Variants in FRK observed in about 807,000 individuals in gnomAD.
The protein encoded by FRK is tyrosine-protein kinase FRK.
FRK carries 51 observed loss-of-function variants against 56.4 expected under a neutral mutation model. That is an observed-to-expected ratio of 0.90 (90% CI 0.72 to 1.14). The LOEUF is 1.14. Among genes scored for constraint, FRK ranks in the 50% most tolerant of loss-of-function variants. The pLI is 0.00. For synonymous variants in FRK, 245 were observed against 217.9 expected (o/e 1.12, Z -1.10); for missense variants, 570 against 601.4 (o/e 0.95, Z 0.55).
chr6:116,090,660 T>A, the FRK span, among the ~76,000 whole-genome samples: 3 of 152,222 alleles, frequency 2.0e-5, no homozygotes, highest in Admixed American at 2.0e-4. Flanking sequence ...AAGCCATGCA[T>A]ATGGATGCCA....
intron 1 of FRK, among the ~76,000 whole-genome samples, chr6:116,020,331 G>A (rs970125691): frequency 1.3e-5 from 2 of 150,988 alleles, no homozygotes; most frequent in Non-Finnish European, 2.9e-5. Context: ...TTGCTCGGAC[G>A]CCCAGGCTTG....
chr6:115,968,770 C>T (rs530254152), intron 2 of FRK, 31 bp from the exon 3 acceptor site: 1 of 1,596,984 alleles, frequency 6.3e-7, no homozygotes, highest in South Asian at 1.1e-5. Flanking sequence ...TGTTAATAAA[C>T]TTCTTGCTAA....
the FRK span, among the ~76,000 whole-genome samples, chr6:116,093,167 C>T: frequency 2.0e-5 from 3 of 152,158 alleles, no homozygotes; most frequent in African/African-American, 7.2e-5. Context: ...AGCCTAGCCT[C>T]CCTATAGCTC....
At chr6:116,094,934 G>A in the FRK span, among the ~76,000 whole-genome samples, 9 of 152,166 alleles carry the variant, frequency 5.9e-5, no homozygotes, top group Admixed American at 2.0e-4. Context: ...AAAAAACAGC[G>A]TACCATATTC....
intron 2 of FRK, among the ~76,000 whole-genome samples, chr6:115,970,259 G>A (rs1191997966): frequency 6.6e-6 from 1 of 152,058 alleles, no homozygotes; most frequent in African/African-American, 2.4e-5. Context: ...CACCACTCTG[G>A]AAAACTGTTT....
rs371241978 is a variant in FRK, at chr6:115,968,627, G to A, written c.579C>T (p.Tyr193=). 9.9e-6 allele frequency: 16 copies of A among 1,613,758 alleles called. No individual in the cohort carries two copies. In the African/African-American group the frequency reaches 1.9e-4, roughly 19 times the overall value. ...CACACAGGCCGTCACTTGTCTTGGTGTAGTGGCTCACAAATTCGTTCAGTG... is the reference window on the plus strand; with the variant it reads ...CACACAGGCCGTCACTTGTCTTGGTATAGTGGCTCACAAATTCGTTCAGTG... ...FSTLNEFVSH[Y]TKTSDGLCVK... The change falls in exon 3 of 8, where the codon TAC becomes TAT. Residue 193 remains tyrosine, a synonymous_variant. Transcript: ENST00000606080.
chr6:115,959,182 C>G (rs372611330), intron 4 of FRK, among the ~76,000 whole-genome samples: 107 of 152,286 alleles, frequency 7.0e-4, no homozygotes, highest in African/African-American at 2.5e-3. Flanking sequence ...GCCTGCTCAG[C>G]AATAAATAGC....
chr6:116,046,548 G>A (rs1370684252), intron 1 of FRK, among the ~76,000 whole-genome samples: 2 of 152,054 alleles, frequency 1.3e-5, no homozygotes, highest in Non-Finnish European at 2.9e-5. Flanking sequence ...ACCAAACACT[G>A]CATGTTCTCA....
intron 5 of FRK, among the ~76,000 whole-genome samples, chr6:115,944,647 A>G (rs952305611): frequency 6.6e-6 from 1 of 152,154 alleles, no homozygotes; most frequent in Non-Finnish European, 1.5e-5. Context: ...ACAAGTAACA[A>G]GTCATCACAT....
At chr6:115,982,438 G>C (rs1199049801) in intron 2 of FRK, among the ~76,000 whole-genome samples, 1 of 152,088 alleles carries the variant, frequency 6.6e-6, no homozygotes, top group African/African-American at 2.4e-5. Context: ...TACTAGTTCT[G>C]TTTCTCTAGA....
rs141741968 is a variant in FRK at position 116,060,595 on chromosome 6, C to T, written c.-284G>A. 2 of 348,764 alleles carry T rather than the reference C, an allele frequency of 5.7e-6. No homozygotes were observed. The highest frequency in any genetic ancestry group is 4.8e-5 in the East Asian group (1 of 20,626). 21.6% of individuals were successfully genotyped at this position (348,764 alleles called of 1,614,324 possible). A position where few individuals can be genotyped will look rare whatever the true frequency, so the allele number is the denominator to read the frequency against. On this transcript the variant is annotated 5_prime_UTR_variant, in exon 1 of 8. Transcript: ENST00000606080. ...CTAGGAAGGTGTCTTTTCTTCTTATCTGCTTAAGAATCCCACAACAAAAAT... is the reference window on the plus strand; with the variant it reads ...CTAGGAAGGTGTCTTTTCTTCTTATTTGCTTAAGAATCCCACAACAAAAAT...
chr6:116,059,957 G>GTA lies in FRK; in HGVS notation c.344+9_344+10dup, dbSNP rs1777554063. ...GAGTTCAGAAATTAAGTATAAGTTTGTACTACTCACGGCTCTGCCTGTAGG... is the reference window on the plus strand; with the variant it reads ...GAGTTCAGAAATTAAGTATAAGTTTGTATACTACTCACGGCTCTGCCTGTAGG... On this transcript the variant is annotated intron_variant, in intron 1 of 7. Coordinates refer to ENST00000606080, the MANE Select transcript of FRK (RefSeq NM_002031.3). 1 of 1,603,446 alleles carries GTA rather than the reference G, an allele frequency of 6.2e-7. No homozygotes were observed. The highest frequency in any genetic ancestry group is 1.3e-5 in the African/African-American group (1 of 74,616).
intron 4 of FRK, 112 bp downstream of exon 4, chr6:115,967,439 A>C (rs775363751): frequency 1.9e-6 from 2 of 1,030,344 alleles, no homozygotes; most frequent in African/African-American, 3.2e-5. Context: ...CAATGACCAC[A>C]ACACCTGCTT....
chr6:116,039,840 C>T (rs2114784683), intron 1 of FRK, among the ~76,000 whole-genome samples: 1 of 151,886 alleles, frequency 6.6e-6, no homozygotes, highest in South Asian at 2.1e-4. Flanking sequence ...AGGCCAAGAT[C>T]CTCCCCTCGG....
intron 1 of FRK, among the ~76,000 whole-genome samples, chr6:116,011,137 T>C (rs754859344): frequency 6.6e-6 from 1 of 152,208 alleles, no homozygotes; most frequent in Non-Finnish European, 1.5e-5. Flanking sequence ...TTACATAAGA[T>C]AAATATCTTA....
chr6:115,980,329 T>C (rs1041945382), intron 2 of FRK, among the ~76,000 whole-genome samples: 1 of 151,474 alleles, frequency 6.6e-6, no homozygotes, highest in Non-Finnish European at 1.5e-5. Context: ...TTGTAAAAAT[T>C]ATCTAGCAGC....
At chr6:116,031,743 A>C (rs1006099530) in intron 1 of FRK, among the ~76,000 whole-genome samples, 2 of 152,104 alleles carry the variant, frequency 1.3e-5, no homozygotes, top group Non-Finnish European at 2.9e-5. Context: ...GGTTTCTTTC[A>C]ATTTGTTTCT....
chr6:116,095,148 A>G, the FRK span, among the ~76,000 whole-genome samples: 3 of 152,236 alleles, frequency 2.0e-5, no homozygotes, highest in Non-Finnish European at 4.4e-5. Context: ...ATCTTAATTA[A>G]TTACCATCCA....
At chr6:115,967,132 G>A (rs886832248) in intron 4 of FRK, among the ~76,000 whole-genome samples, 5 of 152,146 alleles carry the variant, frequency 3.3e-5, no homozygotes, top group African/African-American at 1.2e-4. Context: ...TCTTTAGATG[G>A]ACCATTTTGC....
Sources: allele counts gnomAD v4.1 joint callset (sites outside exome capture counted in the v4.1 genomes callset), GRCh38; gene constraint gnomAD v4.1.1; transcripts MANE v1.5; gene names NCBI Gene and HGNC (gene_info 2026-07-23, HGNC 2026-07-21).